CFDP1: variants seen among roughly 807,000 people sequenced by gnomAD.
CFDP1 encodes chromatin remodeling protein CFDP1.
A neutral mutation model predicts 40.1 loss-of-function variants in CFDP1; 31 were observed. That is an observed-to-expected ratio of 0.77 (90% confidence interval 0.58 to 1.04). The LOEUF is 1.04. Among genes scored for constraint, CFDP1 ranks in the 50% least tolerant of loss-of-function variants. CFDP1 has a pLI of 0.00. For missense variants in CFDP1, 423 were observed against 343.4 expected (o/e 1.23, Z -1.83); for synonymous variants, 167 against 120.0 (o/e 1.39, Z -2.56).
chr16:75,433,179 C>CT (rs1423623696), intron 1 of CFDP1, 110 bp downstream of exon 1: 2 of 928,092 alleles, frequency 2.2e-6, no homozygotes, highest in Non-Finnish European at 3.1e-6. Context: ...AGAACAGGAG[C>CT]CCCCCTGGAC....
chr16:75,402,641 T>C (rs1460552919), intron 4 of CFDP1, among the ~76,000 whole-genome samples: 2 of 152,190 alleles, frequency 1.3e-5, no homozygotes, highest in Non-Finnish European at 2.9e-5. Flanking sequence ...TTCTTGAAGA[T>C]GTAGTAATGC....
chr16:75,401,571 G>C (rs1017023848), intron 4 of CFDP1, among the ~76,000 whole-genome samples: 7 of 152,062 alleles, frequency 4.6e-5, no homozygotes, highest in African/African-American at 1.2e-4. Context: ...CTACACTCCA[G>C]TCTGGGCGAC....
chr16:75,367,164 CAAA>C (rs35018865), intron 5 of CFDP1, among the ~76,000 whole-genome samples: 14 of 86,976 alleles, frequency 1.6e-4, no homozygotes, highest in African/African-American at 3.7e-4. Context: ...GACTCCATCT[CAAA>C]AAAAAAAAAA....
intron 5 of CFDP1, among the ~76,000 whole-genome samples, chr16:75,319,419 C>A (rs1306614907): frequency 1.3e-5 from 2 of 152,096 alleles, no homozygotes; most frequent in Admixed American, 1.3e-4. Flanking sequence ...CAGCTGTGAT[C>A]CTTGACACCT....
At chr16:75,405,921 A>G (rs1388927573) in intron 4 of CFDP1, among the ~76,000 whole-genome samples, 2 of 148,598 alleles carry the variant, frequency 1.3e-5, no homozygotes, top group Admixed American at 6.7e-5. Flanking sequence ...CCCGTCTCCA[A>G]AAAAAAAAAG....
intron 6 of CFDP1, among the ~76,000 whole-genome samples, chr16:75,297,636 T>C (rs1295632942): frequency 6.6e-6 from 1 of 152,218 alleles, no homozygotes; most frequent in Non-Finnish European, 1.5e-5. Context: ...CAGGGAAGCC[T>C]AGTGGTGGGG....
At chr16:75,383,846 C>A (rs1394824751) in intron 5 of CFDP1, among the ~76,000 whole-genome samples, 2 of 150,148 alleles carry the variant, frequency 1.3e-5, no homozygotes, top group Non-Finnish European at 3.0e-5. Flanking sequence ...AAGATACAGC[C>A]CCAAATTTGG....
At chr16:75,390,631 G>A (rs988785815) in intron 5 of CFDP1, among the ~76,000 whole-genome samples, 5 of 152,250 alleles carry the variant, frequency 3.3e-5, no homozygotes, top group African/African-American at 9.6e-5. Context: ...GTTTTAACAA[G>A]TGTCAGAATA....
At chr16:75,387,792 G>T (rs74024776) in intron 5 of CFDP1, among the ~76,000 whole-genome samples, 2,728 of 152,268 alleles carry the variant, frequency 0.018, 75 homozygotes, top group African/African-American at 0.062. Context: ...CTGCTGACAG[G>T]TATCAATGTA....
In CFDP1 at chr16:75,429,851, A is replaced by G. The variant is rs535578718; in HGVS notation, c.64+3438T>C. ...GAAAAGAGTCAAACTCTTGTCAAGT[A>G]TTTGAAGAGAATTATTCTGTGCCAC... On this transcript the variant is annotated intron_variant, in intron 1 of 6. Transcript: ENST00000283882. Among the ~76,000 whole-genome samples the G allele has an allele frequency of 2.1e-4, 32 of 152,318 alleles. 1 individual carries two copies. Among genetic ancestry groups the G allele is most frequent in the African/African-American group, 7.7e-4 (32 of 41,582 alleles).
intron 5 of CFDP1, among the ~76,000 whole-genome samples, chr16:75,308,804 A>C (rs2078274853): frequency 6.6e-6 from 1 of 152,142 alleles, no homozygotes; most frequent in Non-Finnish European, 1.5e-5. Flanking sequence ...AGGCCATCTT[A>C]TTGACGAATT....
At chr16:75,302,178 T>G (rs1190879064) in intron 6 of CFDP1, among the ~76,000 whole-genome samples, 2 of 152,222 alleles carry the variant, frequency 1.3e-5, no homozygotes, top group Non-Finnish European at 2.9e-5. Flanking sequence ...CAGATGTTCT[T>G]TTTAATCTTG....
In CFDP1 at chr16:75,294,044, T is replaced by C; in HGVS notation, c.810-2A>G. ...AGGAAGGCTTTCCGTTCAATGTACC[T>C]AGAAGATGAAAACAGTGTTTGTCAG... On this transcript the variant is annotated splice_acceptor_variant, in intron 6 of 6. Transcript: ENST00000283882. LOFTEE classifies it high-confidence loss of function. 5.0e-6 allele frequency: 8 copies of C among 1,609,962 alleles called. No individual in the cohort carries two copies. Among genetic ancestry groups the C allele is most frequent in the Non-Finnish European group, 6.8e-6 (8 of 1,176,226 alleles).
intron 5 of CFDP1, among the ~76,000 whole-genome samples, chr16:75,315,058 ATAT>A (rs2078315812): frequency 6.6e-6 from 1 of 152,116 alleles, no homozygotes; most frequent in Non-Finnish European, 1.5e-5. Flanking sequence ...GGCCAGGAAA[ATAT>A]TATTAAAGGA....
At chr16:75,350,744 C>T (rs1021544129) in intron 5 of CFDP1, among the ~76,000 whole-genome samples, 5 of 151,886 alleles carry the variant, frequency 3.3e-5, no homozygotes, top group African/African-American at 1.2e-4. Flanking sequence ...AAATACTTTG[C>T]ATCCGAAAAC....
At chr16:75,405,919 CA>C (rs113081758) in intron 4 of CFDP1, among the ~76,000 whole-genome samples, 108 of 115,790 alleles carry the variant, frequency 9.3e-4, no homozygotes, top group Admixed American at 8.9e-4. Context: ...ACCCCGTCTC[CA>C]AAAAAAAAAA....
intron 5 of CFDP1, among the ~76,000 whole-genome samples, chr16:75,370,927 G>T (rs1319768646): frequency 6.6e-6 from 1 of 152,126 alleles, no homozygotes. Flanking sequence ...ACTTGCAAAA[G>T]GACTTGCTTA....
chr16:75,338,015 C>G (rs977305028), intron 5 of CFDP1, among the ~76,000 whole-genome samples: 2 of 152,168 alleles, frequency 1.3e-5, no homozygotes, highest in Non-Finnish European at 2.9e-5. Flanking sequence ...CCCAGCTCAG[C>G]CACTTATTCA....
chr16:75,404,552 T>G (rs1470059111), intron 4 of CFDP1, among the ~76,000 whole-genome samples: 2 of 152,114 alleles, frequency 1.3e-5, no homozygotes, highest in East Asian at 1.9e-4. Context: ...ACTGGTGGCC[T>G]AACTTATCCC....
Sources: allele counts gnomAD v4.1 joint callset (sites outside exome capture counted in the v4.1 genomes callset), GRCh38; gene constraint gnomAD v4.1.1; transcripts MANE v1.5; gene names NCBI Gene and HGNC (gene_info 2026-07-23, HGNC 2026-07-21).